ERGIC3: variants seen among roughly 807,000 people sequenced by gnomAD.
The protein encoded by ERGIC3 is ERGIC and golgi 3.
In ERGIC3, 33 loss-of-function variants were observed where a neutral mutation model predicts 54.7. The ratio of observed to expected loss-of-function variants is 0.60; its 90% CI spans 0.46 to 0.81. The LOEUF is 0.81. ERGIC3 is among the 30% of genes least tolerant of loss of function. The pLI is 0.00. For synonymous variants in ERGIC3, 186 were observed against 189.8 expected (o/e 0.98, Z 0.16); for missense variants, 399 against 488.4 (o/e 0.82, Z 1.73).
At position 35,556,075 on chromosome 20, in the gene ERGIC3, G is replaced by T. The variant is rs771951363; in HGVS notation, c.760G>T (p.Asp254Tyr). 9.3e-6 allele frequency: 15 copies of T among 1,613,998 alleles called. No individual in the cohort carries two copies. Among genetic ancestry groups the T allele is most frequent in the Non-Finnish European group, 1.3e-5 (15 of 1,180,028 alleles). Reference protein sequence around the residue: ...HYIQHLSFGEDYPGIVNPLDH... With the variant: ...HYIQHLSFGEYYPGIVNPLDH... ...CATCCAGCACCTGTCATTTGGGGAG[G>T]ACTATCCAGGCATTGTGAACCCCCT... The change falls in exon 9 of 13, where the codon GAC becomes TAC. Residue 254 changes from aspartate (D) to tyrosine (Y), a missense_variant. Physicochemically the swap from Asp to Tyr is radical, Grantham distance 160. Coordinates refer to ENST00000348547, the MANE Select transcript of ERGIC3 (RefSeq NM_015966.3).
intron 7 of ERGIC3, among the ~76,000 whole-genome samples, chr20:35,552,632 G>A (rs890314612): frequency 3.3e-5 from 5 of 152,202 alleles, no homozygotes; most frequent in African/African-American, 1.2e-4. Flanking sequence ...AGTCCTGAGT[G>A]TAGTGTCAAC....
intron 7 of ERGIC3, chr20:35,549,542 A>G (rs1297628897): frequency 5.1e-6 from 1 of 196,886 alleles, no homozygotes; most frequent in African/African-American, 2.4e-5. Flanking sequence ...ATAGACAATA[A>G]GTATATAAAA....
In ERGIC3 at chr20:35,544,466, T is replaced by A. The variant is rs1226573796; in HGVS notation, c.367+1525T>A. 2.6e-5 allele frequency: 8 copies of A among 309,496 alleles called. No homozygotes were observed. In the Admixed American group the frequency reaches 3.4e-4, roughly 13 times the overall value. 19.2% of individuals were successfully genotyped at this position (309,496 alleles called of 1,614,324 possible). On this transcript the variant is annotated intron_variant, in intron 4 of 12. Transcript: ENST00000348547. Reference sequence around the variant, plus strand: ...TGGCATCAGCTTTCCTCATGATGGCTGGGACATTGCTCAGCTCCTCCTGCC... The same window carrying A: ...TGGCATCAGCTTTCCTCATGATGGCAGGGACATTGCTCAGCTCCTCCTGCC...
chr20:35,555,010 C>CGCCTTCTCCCTT lies in ERGIC3; in HGVS notation c.686-21_686-10dup, dbSNP rs756608847. 5.0e-6 allele frequency: 8 copies of CGCCTTCTCCCTT among 1,613,564 alleles called. No individual in the cohort carries two copies. In the South Asian group the frequency reaches 8.8e-5, roughly 18 times the overall value. On this transcript the variant is annotated intron_variant, in intron 7 of 12. Coordinates refer to ENST00000348547, the MANE Select transcript of ERGIC3 (RefSeq NM_015966.3). ...AGGCCAGTGCTGCTCCTACTAATGA[C>CGCCTTCTCCCTT]GCCTTCTCCCTTGCCTTCTCCCTTC...
chr20:35,551,115 A>T (rs1235477199), intron 7 of ERGIC3, among the ~76,000 whole-genome samples: 1 of 151,950 alleles, frequency 6.6e-6, no homozygotes, highest in Non-Finnish European at 1.5e-5. Flanking sequence ...AACATGATGA[A>T]ACCTTGTCTC....
chr20:35,546,291 A>G (rs1021409249), intron 4 of ERGIC3, among the ~76,000 whole-genome samples: 6 of 152,172 alleles, frequency 3.9e-5, no homozygotes, highest in African/African-American at 1.4e-4. Flanking sequence ...TGTAAGGGAG[A>G]GCTGAGAAAT....
Position 35,548,885 on chromosome 20 carries a change from TG to T in ERGIC3, c.685+24del. The T allele has an allele frequency of 6.2e-7, 1 of 1,613,826 alleles. No individual in the cohort carries two copies. The highest frequency in any genetic ancestry group is 8.5e-7 in the Non-Finnish European group (1 of 1,179,774). The stretch of plus-strand genomic sequence containing the variant: ...TGCACGGTGAGTGATCTGCACTAGC[TG>T]GGGAGATTTAGATGCTGGCCACCTT... On this transcript the variant is annotated intron_variant, in intron 7 of 12. Coordinates refer to ENST00000348547, the MANE Select transcript of ERGIC3 (RefSeq NM_015966.3).
chr20:35,542,581 T>C lies in ERGIC3; in HGVS notation c.228T>C (p.Phe76=), dbSNP rs778487446. The change falls in exon 3 of 13, where the codon TTT becomes TTC. Residue 76 remains phenylalanine (F), a synonymous_variant. Transcript: ENST00000348547. ...TGAAGATCAACATCGATGTACTTTT[T>C]CCGCACATGCCTTGTGCCTGTGAGT... ...DKLKINIDVL[F]PHMPCAYLSI... 6.8e-5 allele frequency: 110 copies of C among 1,613,986 alleles called. No homozygotes were observed. Among genetic ancestry groups the C allele is most frequent in the Admixed American group, 1.5e-4 (9 of 60,010 alleles).
At chr20:35,554,162 C>T (rs2064698544) in intron 7 of ERGIC3, among the ~76,000 whole-genome samples, 1 of 152,208 alleles carries the variant, frequency 6.6e-6, no homozygotes, top group Non-Finnish European at 1.5e-5. Context: ...CTCTAGGCCT[C>T]TTGTCCTTCT....
chr20:35,548,449 A>T (rs1026515015), intron 5 of ERGIC3, 60 bp from the exon 6 acceptor site: 4 of 1,571,374 alleles, frequency 2.5e-6, no homozygotes, highest in Admixed American at 3.5e-5. Flanking sequence ...CTATTTCCCC[A>T]GATGCCAGCA....
intron 7 of ERGIC3, among the ~76,000 whole-genome samples, chr20:35,552,910 T>A (rs560032742): frequency 6.6e-6 from 1 of 151,814 alleles, no homozygotes; most frequent in South Asian, 2.1e-4. Context: ...GACAGGCAGT[T>A]GCCCAAGCTG....
At chr20:35,548,903 G>T (rs368439529) in intron 7 of ERGIC3, 38 bp downstream of exon 7, 2 of 1,610,990 alleles carry the variant, frequency 1.2e-6, no homozygotes, top group Non-Finnish European at 1.7e-6. Flanking sequence ...TTTAGATGCT[G>T]GCCACCTTCT....
Position 35,547,440 on chromosome 20 carries a change from TGACCCTGACTCCCTG to T in ERGIC3, c.405_419del (p.Ser136_Asp140del). The stretch of plus-strand genomic sequence containing the variant: ...TTGGGAAAGTCGAGGTGACGGTGTT[TGACCCTGACTCCCTG>T]GACCCTGATCGCTGTGAGAGCTGCT... On this transcript the variant is annotated inframe_deletion, in exon 5 of 13. Coordinates refer to ENST00000348547, the MANE Select transcript of ERGIC3 (RefSeq NM_015966.3). 6.2e-7 allele frequency: 1 copy of T among 1,614,198 alleles called. No individual in the cohort carries two copies. The highest frequency in any genetic ancestry group is 2.2e-5 in the East Asian group (1 of 44,894).
chr20:35,556,399 A>T (rs773064762), intron 10 of ERGIC3, 128 bp downstream of exon 10: 1 of 1,007,750 alleles, frequency 9.9e-7, no homozygotes, highest in Non-Finnish European at 1.5e-6. Flanking sequence ...AGACTGAGGC[A>T]CAGAGAGGGT....
At chr20:35,551,272 C>T (rs561297080) in intron 7 of ERGIC3, among the ~76,000 whole-genome samples, 24 of 148,870 alleles carry the variant, frequency 1.6e-4, no homozygotes, top group African/African-American at 5.7e-4. Context: ...CCAGCCTGAG[C>T]GACAGAGTGA....
At chr20:35,556,804 G>A (rs1415120830) in intron 10 of ERGIC3, 169 bp from the exon 11 acceptor site, 1 of 850,750 alleles carries the variant, frequency 1.2e-6, no homozygotes, top group Non-Finnish European at 1.9e-6. Flanking sequence ...GACTAGGAGA[G>A]GGGGTCTGGC....
chr20:35,551,434 T>C (rs1437486420), intron 7 of ERGIC3, among the ~76,000 whole-genome samples: 3 of 152,142 alleles, frequency 2.0e-5, no homozygotes, highest in African/African-American at 4.8e-5. Flanking sequence ...TGGGTGTCCT[T>C]CTAGACACCC....
rs1468924777 is a variant in ERGIC3, at chr20:35,551,731, A to G, written c.685+2866A>G. Among the ~76,000 whole-genome samples, 6 of 152,344 alleles carry G rather than the reference A, an allele frequency of 3.9e-5. No individual in the cohort carries two copies. In the East Asian group the frequency reaches 1.2e-3, roughly 29 times the overall value. On this transcript the variant is annotated intron_variant, in intron 7 of 12. Transcript: ENST00000348547. ...CACGGACGGGTGTTTCAAATACCAC[A>G]TCAGATGCTTCTGGATGTCAAGCGG...
chr20:35,556,451 T>G, intron 10 of ERGIC3, 180 bp downstream of exon 10: 1 of 656,540 alleles, frequency 1.5e-6, no homozygotes, highest in Non-Finnish European at 2.6e-6. Context: ...CCTGGGGCTG[T>G]TAGATTTAAA....
Sources: allele counts gnomAD v4.1 joint callset (sites outside exome capture counted in the v4.1 genomes callset), GRCh38; gene constraint gnomAD v4.1.1; transcripts MANE v1.5; gene names NCBI Gene and HGNC (gene_info 2026-07-23, HGNC 2026-07-21).